The following E2F1 variants were observed in gnomAD, a reference collection of about 807,000 sequenced individuals.
E2F1 encodes the protein transcription factor E2F1.
In E2F1, 7 loss-of-function variants were observed where a neutral mutation model predicts 36.9. The observed-to-expected ratio is 0.19, with a 90% CI of 0.11 to 0.36. The LOEUF (loss-of-function observed/expected upper bound fraction) is 0.36. E2F1 is among the 10% of genes least tolerant of loss of function. E2F1 has a pLI of 1.00. For synonymous variants in E2F1, 261 were observed against 263.1 expected (o/e 0.99, Z 0.08); for missense variants, 406 against 573.6 (o/e 0.71, Z 2.99).
At chr20:33,682,704 G>T (rs957014688) in intron 1 of E2F1, among the ~76,000 whole-genome samples, 3 of 152,196 alleles carry the variant, frequency 2.0e-5, no homozygotes, top group South Asian at 2.1e-4. Flanking sequence ...AAACGCAGGG[G>T]TGAAGACATT....
At chr20:33,683,645 C>T (rs969333996) in intron 1 of E2F1, among the ~76,000 whole-genome samples, 20 of 151,534 alleles carry the variant, frequency 1.3e-4, no homozygotes, top group African/African-American at 3.9e-4. Context: ...TGGTGGTACA[C>T]GCCTGTAATC....
chr20:33,675,801 T>C lies in E2F1; in HGVS notation c.*931A>G. ...GTGGGGAGGCAGGCGCTTCAGACACTGCAGGAGGGACCACAGGGTCTGGGC... is the reference window on the plus strand; with the variant it reads ...GTGGGGAGGCAGGCGCTTCAGACACCGCAGGAGGGACCACAGGGTCTGGGC... On this transcript the variant is annotated 3_prime_UTR_variant, in exon 7 of 7. Coordinates refer to ENST00000343380, the MANE Select transcript of E2F1 (RefSeq NM_005225.3). The C allele has an allele frequency of 5.4e-6, 1 of 185,752 alleles. No homozygotes were observed. The allele number at this position is 185,752 out of a possible 1,614,324, so 11.5% of individuals were successfully genotyped here.
chr20:33,676,874 A>G lies in E2F1; in HGVS notation c.1172T>C (p.Phe391Ser). 6.3e-7 allele frequency: 1 copy of G among 1,580,596 alleles called. No homozygotes were observed. Among genetic ancestry groups the G allele is most frequent in the African/African-American group, 1.4e-5 (1 of 74,072 alleles). The change falls in exon 7 of 7, where the codon TTC (phenylalanine) becomes TCC (serine). Residue 391 changes from phenylalanine to serine, a missense_variant. Physicochemically the swap from Phe to Ser is radical, Grantham distance 155 (BLOSUM62 -2). Transcript: ENST00000343380. ...DSLLEHVRED[F>S]SGLLPEEFIS... ...GAACTCCTCAGGGAGGAGGCCGGAG[A>G]AGTCCTCCCGCACATGCTCCAGGAG...
At chr20:33,685,725 C>T (rs1287733633) in intron 1 of E2F1, among the ~76,000 whole-genome samples, 1 of 152,200 alleles carries the variant, frequency 6.6e-6, no homozygotes, top group Non-Finnish European at 1.5e-5. Context: ...CAGTTGAATA[C>T]ACGTGGGCTA....
intron 1 of E2F1, among the ~76,000 whole-genome samples, chr20:33,681,187 T>A (rs1466623207): frequency 3.3e-5 from 5 of 152,030 alleles, no homozygotes; most frequent in Non-Finnish European, 2.9e-5. Context: ...CACAGGCGCA[T>A]CCCTCCAAGA....
In E2F1 at chr20:33,678,188, A is replaced by C; in HGVS notation, c.725+13T>G. 1 of 1,607,986 alleles carries C rather than the reference A, an allele frequency of 6.2e-7. No individual in the cohort carries two copies. The highest frequency in any genetic ancestry group is 8.5e-7 in the Non-Finnish European group (1 of 1,175,424). ...AGCCTGCCTTCCACACCCTACGGCCAATCCAAGGATATCGCTGGCTGTCAG... is the reference window on the plus strand; with the variant it reads ...AGCCTGCCTTCCACACCCTACGGCCCATCCAAGGATATCGCTGGCTGTCAG... On this transcript the variant is annotated intron_variant, in intron 4 of 6. Coordinates refer to ENST00000343380, the MANE Select transcript of E2F1 (RefSeq NM_005225.3).
At position 33,679,537 on chromosome 20, in the gene E2F1, C is replaced by A. The variant is rs1223116301; in HGVS notation, c.572+218G>T. Among the ~76,000 whole-genome samples the A allele has an allele frequency of 6.6e-6, 1 of 152,140 alleles. No homozygotes were observed. Among genetic ancestry groups the A allele is most frequent in the Non-Finnish European group, 1.5e-5 (1 of 68,024 alleles). ...CCAGCCTGGGTGACAGAGTGAAACTCCATCTAAAAAAGAAAAAAGTAAAGC... is the reference window on the plus strand; with the variant it reads ...CCAGCCTGGGTGACAGAGTGAAACTACATCTAAAAAAGAAAAAAGTAAAGC... On this transcript the variant is annotated intron_variant, in intron 3 of 6. Transcript: ENST00000343380. The surrounding 1 kb of genome is among the most constrained non-coding windows in gnomAD (Gnocchi z 4.6).
chr20:33,678,096 C>T, intron 4 of E2F1, 105 bp downstream of exon 4: 1 of 1,398,542 alleles, frequency 7.2e-7, no homozygotes. Flanking sequence ...GACTTGCAAC[C>T]AAAATCAGAG....
intron 1 of E2F1, among the ~76,000 whole-genome samples, chr20:33,684,708 T>C (rs1010153271): frequency 1.3e-5 from 2 of 152,182 alleles, no homozygotes; most frequent in Admixed American, 1.3e-4. Flanking sequence ...ATTGTTATTA[T>C]TATTAGCATT....
At position 33,676,999 on chromosome 20, in the gene E2F1, C is replaced by T. The variant is rs1247319154; in HGVS notation, c.1067-20G>A. 1.3e-6 allele frequency: 2 copies of T among 1,558,380 alleles called. No homozygotes were observed. The highest frequency in any genetic ancestry group is 1.7e-6 in the Non-Finnish European group (2 of 1,147,986). On this transcript the variant is annotated intron_variant, in intron 6 of 6. Coordinates refer to ENST00000343380, the MANE Select transcript of E2F1 (RefSeq NM_005225.3). ...GCGGTTCTGGGGAGACGGGGAGCAT[C>T]ACAGGCCGGGGATGCCCCAGCAGGG...
In E2F1 at chr20:33,677,094, C is replaced by CCAT. The variant is rs538498751; in HGVS notation, c.1066+8_1066+10dup. On this transcript the variant is annotated intron_variant, in intron 6 of 6. Transcript: ENST00000343380. Reference sequence around the variant, plus strand: ...GCCCTGCCCCACCCCACCCACCTACCCATCACCCACCTTGCTCCAGGCTGA... The same window carrying CCAT: ...GCCCTGCCCCACCCCACCCACCTACCCATCATCACCCACCTTGCTCCAGGCTGA... 1.4e-3 allele frequency: 2,188 copies of CCAT among 1,606,944 alleles called. 9 individuals are homozygous for CCAT. The highest frequency in any genetic ancestry group is 1.2e-3 in the Non-Finnish European group (1,394 of 1,175,564).
At chr20:33,684,910 C>A (rs1206843342) in intron 1 of E2F1, among the ~76,000 whole-genome samples, 3 of 152,108 alleles carry the variant, frequency 2.0e-5, no homozygotes, top group African/African-American at 4.8e-5. Context: ...CCTGCCTGGC[C>A]AGACCCCGCC....
chr20:33,676,571 A>C lies in E2F1; in HGVS notation c.*161T>G. The C allele has an allele frequency of 2.7e-6, 3 of 1,097,538 alleles. No homozygotes were observed. Among genetic ancestry groups the C allele is most frequent in the Non-Finnish European group, 3.8e-6 (3 of 798,262 alleles). The allele number at this position is 1,097,538 out of a possible 1,614,324, so 68.0% of individuals were successfully genotyped here. ...CCCTTCCTGGCTTGCTCAGCCTCCT[A>C]GCGGTAGCCAGACCCCAGAGCTAGA... is the stretch of plus-strand genomic sequence containing the variant. On this transcript the variant is annotated 3_prime_UTR_variant, in exon 7 of 7. Coordinates refer to ENST00000343380, the MANE Select transcript of E2F1 (RefSeq NM_005225.3).
intron 1 of E2F1, 130 bp downstream of exon 1, chr20:33,685,874 C>T: frequency 1.1e-6 from 1 of 910,256 alleles, no homozygotes; most frequent in Non-Finnish European, 1.3e-6. Flanking sequence ...GGCTCTGCAC[C>T]GCCCAGCCTG....
intron 4 of E2F1, 122 bp downstream of exon 4, chr20:33,678,079 G>T (rs2017981896): frequency 1.1e-5 from 13 of 1,178,288 alleles, no homozygotes; most frequent in Middle Eastern, 2.8e-4. Flanking sequence ...AGAAAATGCT[G>T]AGCCAGGACT....
rs752446932 is a variant in E2F1 at position 33,679,708 on chromosome 20, G to A, written c.572+47C>T. The A allele has an allele frequency of 1.9e-6, 3 of 1,575,200 alleles. No homozygotes were observed. The highest frequency in any genetic ancestry group is 2.6e-6 in the Non-Finnish European group (3 of 1,146,310). Reference sequence around the variant, plus strand: ...TGGGTATTACTACCAGCTCCTCCAGGCTGGCATGGGCAGGTGTGCCTGCCC... The same window carrying A: ...TGGGTATTACTACCAGCTCCTCCAGACTGGCATGGGCAGGTGTGCCTGCCC... On this transcript the variant is annotated intron_variant, in intron 3 of 6. Coordinates refer to ENST00000343380, the MANE Select transcript of E2F1 (RefSeq NM_005225.3). The surrounding 1 kb of genome is among the most constrained non-coding windows in gnomAD (Gnocchi z 4.6).
rs2018066424 is a variant in E2F1 at position 33,686,098 on chromosome 20, G to A, written c.167C>T (p.Ala56Val). 4 of 1,086,514 alleles carry A rather than the reference G, an allele frequency of 3.7e-6. No homozygotes were observed. Among genetic ancestry groups the A allele is most frequent in the South Asian group, 4.3e-5 (1 of 23,230 alleles). 67.3% of individuals were successfully genotyped at this position (1,086,514 alleles called of 1,614,324 possible). A position where few individuals can be genotyped will look rare whatever the true frequency, so the allele number is the denominator to read the frequency against. ...PAPTGPAAPA[A>V]GPCDPDLLLF... ...CAGCAGGTCAGGGTCGCAGGGGCCG[G>A]CGGCGGGCGCCGCGGGGCCGGTGGG... The change falls in exon 1 of 7, where the codon GCC (alanine) becomes GTC (valine). Residue 56 changes from alanine (A) to valine (V), a missense_variant. Transcript: ENST00000343380.
Position 33,686,043 on chromosome 20 carries a change from G to C in E2F1, c.222C>G (p.Pro74=), listed in dbSNP as rs1403406864. 1 of 1,133,588 alleles carries C rather than the reference G, an allele frequency of 8.8e-7. No individual in the cohort carries two copies. The highest frequency in any genetic ancestry group is 1.6e-5 in the African/African-American group (1 of 60,684). The allele number at this position is 1,133,588 out of a possible 1,614,324, so 70.2% of individuals were successfully genotyped here. A position where few individuals can be genotyped will look rare whatever the true frequency, so the allele number is the denominator to read the frequency against. ...LLFATPQAPR[P]TPSAPRPALG... is the part of the protein sequence containing the mutation. ...GCGCGGGCCGCGGCGCACTGGGTGTGGGCCGGGGCGCCTGCGGTGTGGCGA... is the reference window on the plus strand; with the variant it reads ...GCGCGGGCCGCGGCGCACTGGGTGTCGGCCGGGGCGCCTGCGGTGTGGCGA... The change falls in exon 1 of 7, where the codon CCC becomes CCG. Residue 74 remains proline, a synonymous_variant. Coordinates refer to ENST00000343380, the MANE Select transcript of E2F1 (RefSeq NM_005225.3).
intron 4 of E2F1, among the ~76,000 whole-genome samples, chr20:33,677,804 T>G (rs1282728566): frequency 6.7e-6 from 1 of 149,758 alleles, no homozygotes; most frequent in Non-Finnish European, 1.5e-5. Flanking sequence ...GCTGGGAATT[T>G]ATTTTTTAGA....
Sources: gnomAD v4.1 joint callset for allele counts (sites outside exome capture counted in the v4.1 genomes callset) on GRCh38, gnomAD v4.1.1 for gene constraint, Gnocchi (gnomAD v3.1) non-coding constraint, MANE v1.5 for transcripts, NCBI Gene and HGNC (gene_info 2026-07-23, HGNC 2026-07-21) for gene names.